Variants in SNX8 observed in about 807,000 individuals in gnomAD.
SNX8 encodes sorting nexin-8.
A neutral mutation model predicts 51.6 loss-of-function variants in SNX8; 25 were observed. The ratio of observed to expected loss-of-function variants is 0.48; its 90% CI spans 0.35 to 0.68. The LOEUF (loss-of-function observed/expected upper bound fraction) is 0.68, where lower values mean the gene tolerates loss of function less well. SNX8 is among the 30% of genes least tolerant of loss of function. SNX8 has a pLI of 0.00. For missense variants in SNX8, 695 were observed against 624.0 expected, an observed-to-expected ratio of 1.11 and a Z score of -1.21; for synonymous variants, 324 against 277.0, an observed-to-expected ratio of 1.17 and a Z score of -1.68.
upstream of SNX8, among the ~76,000 whole-genome samples, chr7:2,318,451 G>C (rs1409694026): frequency 5.3e-5 from 8 of 149,788 alleles, no homozygotes; most frequent in Non-Finnish European, 1.0e-4. Flanking sequence ...GTGAACCCGG[G>C]AGGCAGAGCT....
intron 1 of SNX8, among the ~76,000 whole-genome samples, chr7:2,330,832 G>T (rs1318495624): frequency 6.6e-6 from 1 of 152,048 alleles, no homozygotes; most frequent in Admixed American, 6.6e-5. Flanking sequence ...GCAAGAAAAA[G>T]AAAAGAATGC....
At chr7:2,348,466 G>A (rs185920894) in intron 1 of SNX8, among the ~76,000 whole-genome samples, 116 of 149,586 alleles carry the variant, frequency 7.8e-4, no homozygotes, top group African/African-American at 2.7e-3. Flanking sequence ...TCAGCCTCCC[G>A]AGTAGCTGGG....
chr7:2,267,977 T>C (rs1795515933), intron 5 of SNX8, among the ~76,000 whole-genome samples: 2 of 133,426 alleles, frequency 1.5e-5, no homozygotes, highest in South Asian at 2.5e-4. Flanking sequence ...CCATCTGGGA[T>C]GTGAGGAGCG....
In SNX8 at chr7:2,275,165, T is replaced by C. The variant is rs1417415564; in HGVS notation, c.365A>G (p.His122Arg). Residue 122 changes from histidine (H) to arginine (R), a missense_variant, in exon 3 of 11, where the codon CAC becomes CGC. Coordinates refer to ENST00000222990, the MANE Select transcript of SNX8 (RefSeq NM_013321.4). ...AGGCACCATACGGTAGGGGAACTTG[T>C]GCAGGAGCATCTCCTGGAAGACCAC... ...DFVVFQEMLL[H>R]KFPYRMVPAL... The C allele has an allele frequency of 6.2e-7, 1 of 1,614,184 alleles. No homozygotes were observed. Among genetic ancestry groups the C allele is most frequent in the South Asian group, 1.1e-5 (1 of 91,084 alleles).
At chr7:2,325,478 A>T (rs1043047361) in intron 1 of SNX8, among the ~76,000 whole-genome samples, 7 of 151,988 alleles carry the variant, frequency 4.6e-5, no homozygotes, top group African/African-American at 1.7e-4. Context: ...TCACAAACAG[A>T]CTCTTGGTAA....
upstream of SNX8, among the ~76,000 whole-genome samples, chr7:2,317,794 C>T (rs1355615761): frequency 2.0e-5 from 3 of 152,140 alleles, no homozygotes; most frequent in Non-Finnish European, 2.9e-5. Context: ...GCAGGCACAC[C>T]ATTGATGCTC....
intron 1 of SNX8, chr7:2,337,245 AG>A (rs1189738308): frequency 1.3e-5 from 2 of 152,252 alleles, no homozygotes; most frequent in African/African-American, 4.8e-5. Flanking sequence ...ACTTGAGGTC[AG>A]GAGTTCGAGA....
chr7:2,302,331 T>C (rs990101043), intron 1 of SNX8, among the ~76,000 whole-genome samples: 4 of 152,248 alleles, frequency 2.6e-5, no homozygotes, highest in African/African-American at 7.2e-5. Context: ...TCTCAGCTCC[T>C]AACCGTGAGT....
intron 1 of SNX8, among the ~76,000 whole-genome samples, chr7:2,279,832 T>C (rs1795870530): frequency 6.6e-6 from 1 of 151,710 alleles, no homozygotes; most frequent in Admixed American, 6.6e-5. Flanking sequence ...TACACCCACA[T>C]TTCTGTGACT....
At chr7:2,345,680 C>A (rs1382636347) in intron 1 of SNX8, among the ~76,000 whole-genome samples, 48 of 140,050 alleles carry the variant, frequency 3.4e-4, no homozygotes, top group African/African-American at 3.1e-4. Context: ...AGAATCCGTC[C>A]AAAAAAAAAA....
At chr7:2,309,851 G>T (rs1034989104) in intron 1 of SNX8, 15 of 471,046 alleles carry the variant, frequency 3.2e-5, no homozygotes, top group Admixed American at 3.1e-4. Context: ...GGAGCCCAGG[G>T]TGCATGGAAG....
chr7:2,321,061 ATGTG>A (rs1163097482), intron 1 of SNX8, among the ~76,000 whole-genome samples: 1 of 152,100 alleles, frequency 6.6e-6, no homozygotes, highest in Non-Finnish European at 1.5e-5. Context: ...CAAAAACGAA[ATGTG>A]TGTAGCCGGT....
intron 1 of SNX8, among the ~76,000 whole-genome samples, chr7:2,301,925 G>A (rs1371167773): frequency 1.3e-5 from 2 of 152,162 alleles, no homozygotes; most frequent in African/African-American, 4.8e-5. Context: ...GGAGAATGCA[G>A]AGCACATTGT....
intron 1 of SNX8, among the ~76,000 whole-genome samples, chr7:2,352,950 A>C (rs997083042): frequency 6.6e-6 from 1 of 152,300 alleles, no homozygotes; most frequent in South Asian, 2.1e-4. Context: ...GAGTAGTCAA[A>C]CCTGGTACTA....
intron 1 of SNX8, among the ~76,000 whole-genome samples, chr7:2,284,504 C>G (rs538179748): frequency 7.2e-6 from 1 of 139,380 alleles, no homozygotes; most frequent in Admixed American, 8.3e-5. Flanking sequence ...CGGGTTTAAG[C>G]GATTCTCCTG....
chr7:2,275,326 G>A, intron 2 of SNX8, 97 bp from the exon 3 acceptor site: 2 of 799,476 alleles, frequency 2.5e-6, no homozygotes, highest in Non-Finnish European at 4.5e-6. Context: ...AGCACCAAGT[G>A]CATCTTCTCT....
intron 5 of SNX8, 77 bp from the exon 6 acceptor site, chr7:2,264,535 A>T: frequency 1.4e-6 from 2 of 1,475,746 alleles, no homozygotes; most frequent in Admixed American, 1.9e-5. Context: ...CCGGTCCCCC[A>T]GAAGCTGAGC....
At chr7:2,335,790 G>C (rs1338495703) in intron 1 of SNX8, among the ~76,000 whole-genome samples, 2 of 122,794 alleles carry the variant, frequency 1.6e-5, no homozygotes, top group Non-Finnish European at 3.2e-5. Flanking sequence ...GCGACAGAGC[G>C]AGACTCTGTC....
chr7:2,298,941 C>T (rs1796332643), intron 1 of SNX8, among the ~76,000 whole-genome samples: 1 of 152,154 alleles, frequency 6.6e-6, no homozygotes, highest in Non-Finnish European at 1.5e-5. Flanking sequence ...GATCCTCCCA[C>T]CTCGGCCTCC....
Sources: allele counts gnomAD v4.1 joint callset (sites outside exome capture counted in the v4.1 genomes callset), GRCh38; gene constraint gnomAD v4.1.1; transcripts MANE v1.5; gene names NCBI Gene and HGNC (gene_info 2026-07-23, HGNC 2026-07-21).